RANBP2: variants seen among roughly 807,000 people sequenced by gnomAD.
RANBP2 encodes E3 SUMO-protein ligase RanBP2.
RANBP2 carries 57 observed loss-of-function variants against 303.6 expected under a neutral mutation model. That is an observed-to-expected ratio of 0.19 (90% CI 0.15 to 0.23). RANBP2 has a LOEUF of 0.23. RANBP2 is among the 10% of genes least tolerant of loss of function. RANBP2 has a pLI of 1.00. For synonymous variants in RANBP2, 1,167 were observed against 1,301.5 expected (o/e 0.90, Z 2.23); for missense variants, 3,138 against 3,780.8 (o/e 0.83, Z 4.46).
At chr2:109,416,626 G>A in the RANBP2 span, among the ~76,000 whole-genome samples, 2 of 150,896 alleles carry the variant, frequency 1.3e-5, no homozygotes, top group African/African-American at 4.9e-5. Flanking sequence ...CACATGATCT[G>A]CCCGCCTCAG....
At chr2:109,087,452 T>C in the RANBP2 span, among the ~76,000 whole-genome samples, 1 of 152,172 alleles carries the variant, frequency 6.6e-6, no homozygotes, top group Non-Finnish European at 1.5e-5. Flanking sequence ...CAGACCAGAC[T>C]TGGACTTGTT....
the RANBP2 span, among the ~76,000 whole-genome samples, chr2:109,035,432 C>T: frequency 6.6e-6 from 1 of 152,022 alleles, no homozygotes. Flanking sequence ...GCCTAGGGAC[C>T]TCAGACCTTG....
At chr2:109,325,287 T>C in the RANBP2 span, among the ~76,000 whole-genome samples, 1 of 151,860 alleles carries the variant, frequency 6.6e-6, no homozygotes, top group Non-Finnish European at 1.5e-5. Flanking sequence ...CCAGGAGTCA[T>C]TGGATTTCAG....
chr2:108,859,534 C>T, the RANBP2 span, among the ~76,000 whole-genome samples: 1 of 152,050 alleles, frequency 6.6e-6, no homozygotes, highest in African/African-American at 2.4e-5. Context: ...AATTTGACAT[C>T]TTTCATTTAA....
the RANBP2 span, chr2:108,907,943 T>C: frequency 2.5e-6 from 4 of 1,613,642 alleles, no homozygotes; most frequent in Non-Finnish European, 3.4e-6. Context: ...GAGCCCTGCT[T>C]GTCAGGGGCG....
At chr2:108,835,952 C>CA in the RANBP2 span, among the ~76,000 whole-genome samples, 1 of 152,102 alleles carries the variant, frequency 6.6e-6, no homozygotes, top group Non-Finnish European at 1.5e-5. Flanking sequence ...GTTGTGTGCC[C>CA]ACAGGGTGGA....
chr2:109,391,945 G>A, the RANBP2 span, among the ~76,000 whole-genome samples: 1 of 151,994 alleles, frequency 6.6e-6, no homozygotes, highest in Non-Finnish European at 1.5e-5. Context: ...AGCCTCCTGA[G>A]TAGCCAGGAC....
chr2:109,182,139 C>T, the RANBP2 span, among the ~76,000 whole-genome samples: 2 of 152,196 alleles, frequency 1.3e-5, no homozygotes, highest in South Asian at 2.1e-4. Context: ...TTTTCTGCTG[C>T]TATAGAAGAA....
the RANBP2 span, among the ~76,000 whole-genome samples, chr2:108,812,147 A>G: frequency 1.3e-5 from 2 of 152,282 alleles, no homozygotes; most frequent in African/African-American, 2.4e-5. Flanking sequence ...TAAATTGAAG[A>G]TATGTTCATG....
the RANBP2 span, among the ~76,000 whole-genome samples, chr2:109,477,268 A>G: frequency 6.6e-6 from 1 of 152,194 alleles, no homozygotes; most frequent in African/African-American, 2.4e-5. Flanking sequence ...GAGTGGGGGA[A>G]GTCACTCCCC....
chr2:109,143,811 C>T, the RANBP2 span, among the ~76,000 whole-genome samples: 3 of 148,748 alleles, frequency 2.0e-5, no homozygotes, highest in East Asian at 6.0e-4. Context: ...GTGCTGTATA[C>T]ACACACACAC....
At chr2:108,781,617 G>A (rs769620217) in intron 26 of RANBP2, among the ~76,000 whole-genome samples, 188 bp downstream of exon 26, 11 of 151,770 alleles carry the variant, frequency 7.2e-5, no homozygotes, top group Admixed American at 1.3e-4. Context: ...CATAAATATT[G>A]GTTTGTAAAT....
At chr2:109,078,100 A>ATATAGATAGCGTG in the RANBP2 span, among the ~76,000 whole-genome samples, 1 of 70,006 alleles carries the variant, frequency 1.4e-5, no homozygotes, top group East Asian at 6.3e-4. Context: ...ATATATATAT[A>ATATAGATAGCGTG]TATATATATA....
the RANBP2 span, among the ~76,000 whole-genome samples, chr2:109,179,003 A>ATGTGTGTGTGGGTG: frequency 7.0e-6 from 1 of 142,066 alleles, no homozygotes; most frequent in Non-Finnish European, 1.6e-5. Context: ...AAGTATAATA[A>ATGTGTGTGTGGGTG]TGTGTGTGTG....
the RANBP2 span, among the ~76,000 whole-genome samples, chr2:109,215,880 G>A: frequency 2.6e-5 from 4 of 152,158 alleles, no homozygotes; most frequent in African/African-American, 9.7e-5. Context: ...CCGAGGAACC[G>A]GCATACAGAG....
chr2:109,489,685 T>C, the RANBP2 span, among the ~76,000 whole-genome samples: 271 of 145,770 alleles, frequency 1.9e-3, 1 homozygote, highest in African/African-American at 6.7e-3. Context: ...TTTGGACATT[T>C]CTGCTAGATT....
At chr2:108,878,065 A>G in the RANBP2 span, among the ~76,000 whole-genome samples, 7 of 152,224 alleles carry the variant, frequency 4.6e-5, no homozygotes, top group Non-Finnish European at 1.0e-4. Flanking sequence ...CTTACGTACT[A>G]TTCTGGAGAA....
At position 108,731,178 on chromosome 2, in the gene RANBP2, C is replaced by T. The variant is rs552395456; in HGVS notation, c.253-144C>T. The T allele has an allele frequency of 1.7e-5, 24 of 1,380,950 alleles. No homozygotes were observed. In the South Asian group the frequency reaches 3.0e-4, roughly 17 times the overall value. The allele number at this position is 1,380,950 out of a possible 1,614,324, so 85.5% of individuals were successfully genotyped here. ...TTCCAAGACACTTTTATTTTAACAC[C>T]TTTGAAGTAACATGTTTTCTCTAGA... On this transcript the variant is annotated intron_variant, in intron 3 of 28. Coordinates refer to ENST00000283195, the MANE Select transcript of RANBP2 (RefSeq NM_006267.5).
At chr2:109,670,033 A>T in the RANBP2 span, among the ~76,000 whole-genome samples, 1 of 152,140 alleles carries the variant, frequency 6.6e-6, no homozygotes, top group African/African-American at 2.4e-5. Flanking sequence ...CAGCAACTGC[A>T]GTGAGGCGAG....
Sources: gnomAD v4.1 joint callset for allele counts (sites outside exome capture counted in the v4.1 genomes callset) on GRCh38, gnomAD v4.1.1 for gene constraint, MANE v1.5 for transcripts, NCBI Gene and HGNC (gene_info 2026-07-23, HGNC 2026-07-21) for gene names.